The following AGBL1 variants were observed in gnomAD, a reference collection of about 807,000 sequenced individuals.
The protein encoded by AGBL1 is cytosolic carboxypeptidase 4.
Under a neutral mutation model 118.9 loss-of-function variants are expected in AGBL1, and 130 were observed. The ratio of observed to expected loss-of-function variants is 1.09; its 90% CI spans 0.95 to 1.26. The LOEUF (loss-of-function observed/expected upper bound fraction) is 1.26, where lower values mean the gene tolerates loss of function less well. AGBL1 is among the 50% of genes most tolerant of loss of function. The pLI is 0.00. For missense variants in AGBL1, 1,584 were observed against 1,298.1 expected, an observed-to-expected ratio of 1.22 and a Z score of -3.38; for synonymous variants, 555 against 478.9, an observed-to-expected ratio of 1.16 and a Z score of -2.08.
intron 22 of AGBL1, among the ~76,000 whole-genome samples, chr15:86,880,168 T>C (rs542785460): frequency 6.6e-6 from 1 of 152,334 alleles, no homozygotes; most frequent in South Asian, 2.1e-4. Context: ...TCTCCGAGCT[T>C]GCTGAATCTC....
chr15:86,593,065 A>C (rs778259159), intron 21 of AGBL1, among the ~76,000 whole-genome samples: 8 of 152,004 alleles, frequency 5.3e-5, no homozygotes, highest in Non-Finnish European at 1.2e-4. Flanking sequence ...TGCAGTACGG[A>C]TTCATGGATT....
intron 5 of AGBL1, among the ~76,000 whole-genome samples, chr15:86,180,971 CTACTACTTACTT>C (rs1443394615): frequency 5.3e-5 from 8 of 151,996 alleles, no homozygotes; most frequent in Non-Finnish European, 7.4e-5. Context: ...TAATATGATA[CTACTACTTACTT>C]TTAGAATGGT....
At chr15:86,592,183 A>G (rs927633326) in intron 21 of AGBL1, among the ~76,000 whole-genome samples, 4 of 152,152 alleles carry the variant, frequency 2.6e-5, no homozygotes, top group African/African-American at 9.7e-5. Context: ...CATTGTAATG[A>G]GTCATTTTCC....
At chr15:86,436,576 C>A (rs2082002617) in intron 18 of AGBL1, among the ~76,000 whole-genome samples, 1 of 152,216 alleles carries the variant, frequency 6.6e-6, no homozygotes, top group Non-Finnish European at 1.5e-5. Context: ...GTGACAAGCA[C>A]TGTGCTAAGC....
chr15:86,834,610 G>A (rs1262203701), intron 22 of AGBL1, among the ~76,000 whole-genome samples: 1 of 152,228 alleles, frequency 6.6e-6, no homozygotes, highest in East Asian at 1.9e-4. Context: ...CACTGTATCA[G>A]GCACCTCCTT....
intron 22 of AGBL1, among the ~76,000 whole-genome samples, chr15:86,774,053 T>A (rs527627973): frequency 1.3e-4 from 20 of 152,206 alleles, no homozygotes; most frequent in African/African-American, 4.6e-4. Context: ...GGTGGTTCCA[T>A]CCCAGAAGGC....
chr15:86,570,962 G>T (rs2083997960), intron 21 of AGBL1, among the ~76,000 whole-genome samples: 1 of 152,188 alleles, frequency 6.6e-6, no homozygotes, highest in African/African-American at 2.4e-5. Flanking sequence ...ATGCGGGCTG[G>T]CCTGTGAGCA....
At chr15:86,585,583 C>T (rs1260364311) in intron 21 of AGBL1, among the ~76,000 whole-genome samples, 1 of 152,030 alleles carries the variant, frequency 6.6e-6, no homozygotes, top group African/African-American at 2.4e-5. Flanking sequence ...CCAGGCTGGT[C>T]TTGAACTCCT....
At chr15:86,136,397 G>A (rs565751430) in intron 1 of AGBL1, among the ~76,000 whole-genome samples, 3 of 152,202 alleles carry the variant, frequency 2.0e-5, no homozygotes, top group Non-Finnish European at 4.4e-5. Flanking sequence ...CCACCACAGT[G>A]CCTCACTTGG....
chr15:86,233,476 C>T (rs1346587273), intron 6 of AGBL1, among the ~76,000 whole-genome samples: 1 of 151,842 alleles, frequency 6.6e-6, no homozygotes, highest in Non-Finnish European at 1.5e-5. Context: ...TTAATGACAG[C>T]ATGACTTGTC....
chr15:86,718,964 C>T (rs1432321755), intron 22 of AGBL1, among the ~76,000 whole-genome samples: 1 of 152,068 alleles, frequency 6.6e-6, no homozygotes, highest in East Asian at 1.9e-4. Flanking sequence ...AAAGTTTTGG[C>T]TTCTGGTCTA....
At chr15:86,695,249 G>A (rs1009829047) in intron 22 of AGBL1, among the ~76,000 whole-genome samples, 6 of 151,656 alleles carry the variant, frequency 4.0e-5, no homozygotes, top group Non-Finnish European at 5.9e-5. Context: ...GTAATTTTTT[G>A]TATTACCATT....
At chr15:86,240,880 A>G (rs983667334) in intron 6 of AGBL1, among the ~76,000 whole-genome samples, 1 of 152,190 alleles carries the variant, frequency 6.6e-6, no homozygotes, top group Non-Finnish European at 1.5e-5. Flanking sequence ...TTACTCATAT[A>G]TGTCTTATCA....
Position 86,689,186 on chromosome 15 carries a change from G to A in AGBL1, c.3158+14750G>A, listed in dbSNP as rs145289359. Reference sequence around the variant, plus strand: ...TTGTCACTAGTTGTTCCTCTGTCTGGCATGCATTTTCTACAGATGGTTGCA... The same window carrying A: ...TTGTCACTAGTTGTTCCTCTGTCTGACATGCATTTTCTACAGATGGTTGCA... On this transcript the variant is annotated intron_variant, in intron 22 of 22. Coordinates refer to ENST00000614907, the MANE Select transcript of AGBL1 (RefSeq NM_001386094.1). Among the ~76,000 whole-genome samples the A allele has an allele frequency of 2.7e-3, 412 of 152,142 alleles. 2 individuals carry two copies. Among genetic ancestry groups the A allele is most frequent in the African/African-American group, 9.4e-3 (391 of 41,512 alleles).
intron 17 of AGBL1, among the ~76,000 whole-genome samples, chr15:86,314,581 C>T (rs1308625422): frequency 4.6e-5 from 7 of 152,224 alleles, no homozygotes; most frequent in Admixed American, 2.6e-4. Flanking sequence ...AGGACCTGGG[C>T]TTAATTTTAT....
chr15:86,456,615 G>T (rs540507952), intron 18 of AGBL1, among the ~76,000 whole-genome samples: 1 of 152,126 alleles, frequency 6.6e-6, no homozygotes, highest in African/African-American at 2.4e-5. Flanking sequence ...CACATTTGGG[G>T]CAATAGTCCC....
intron 6 of AGBL1, among the ~76,000 whole-genome samples, chr15:86,242,745 A>C (rs940014581): frequency 6.6e-6 from 1 of 152,220 alleles, no homozygotes; most frequent in Non-Finnish European, 1.5e-5. Context: ...GCAGTCCCCA[A>C]ATATGGGAAA....
intron 22 of AGBL1, among the ~76,000 whole-genome samples, chr15:86,844,652 C>A (rs978331263): frequency 3.9e-5 from 6 of 152,078 alleles, no homozygotes; most frequent in Admixed American, 2.0e-4. Context: ...GTCTCCCAGT[C>A]TGTGGCTTGC....
chr15:86,556,726 G>A (rs1017373295), intron 21 of AGBL1, among the ~76,000 whole-genome samples: 2 of 152,174 alleles, frequency 1.3e-5, no homozygotes, highest in Admixed American at 1.3e-4. Context: ...TCCCAGTTGA[G>A]TCTTGAGATT....
Sources: gnomAD v4.1 joint callset for allele counts (sites outside exome capture counted in the v4.1 genomes callset) on GRCh38, gnomAD v4.1.1 for gene constraint, MANE v1.5 for transcripts, NCBI Gene and HGNC (gene_info 2026-07-23, HGNC 2026-07-21) for gene names.